COL1A2: variants seen among roughly 807,000 people sequenced by gnomAD.
COL1A2 encodes the protein collagen alpha-2(I) chain.
A neutral mutation model predicts 174.3 loss-of-function variants in COL1A2; 49 were observed. That is an observed-to-expected ratio of 0.28 (90% confidence interval 0.22 to 0.36). COL1A2 has a LOEUF of 0.36. COL1A2 is among the 10% of genes least tolerant of loss of function. COL1A2 has a pLI of 1.00. For synonymous variants in COL1A2, 655 were observed against 606.6 expected, an observed-to-expected ratio of 1.08 and a Z score of -1.17; for missense variants, 1,438 against 1,822.7, an observed-to-expected ratio of 0.79 and a Z score of 3.84.
intron 10 of COL1A2, 145 bp downstream of exon 10, chr7:94,405,397 G>T (rs1791775385): frequency 4.8e-6 from 4 of 840,224 alleles, no homozygotes; most frequent in Non-Finnish European, 7.6e-6. Context: ...AAAAAGCCTA[G>T]TTAAAAAAAA....
chr7:94,400,378 T>A, intron 5 of COL1A2, 90 bp downstream of exon 5: 1 of 1,114,136 alleles, frequency 9.0e-7, no homozygotes, highest in East Asian at 2.4e-5. Context: ...TAAGGGATAA[T>A]TCTTCCATTT....
chr7:94,422,833 A>C, intron 39 of COL1A2, 124 bp from the exon 40 acceptor site: 1 of 1,163,446 alleles, frequency 8.6e-7, no homozygotes, highest in Non-Finnish European at 1.3e-6. Context: ...ATTTCCCCCA[A>C]ATGGCCAGGG....
intron 49 of COL1A2, 37 bp from the exon 50 acceptor site, chr7:94,428,256 G>T: frequency 6.7e-7 from 1 of 1,499,220 alleles, no homozygotes; most frequent in South Asian, 1.1e-5. Context: ...TCTGCTCAAT[G>T]AGAAGTTTCA....
chr7:94,404,078 C>T (rs1199260718), intron 6 of COL1A2, among the ~76,000 whole-genome samples: 1 of 152,184 alleles, frequency 6.6e-6, no homozygotes, highest in African/African-American at 2.4e-5. Flanking sequence ...TAACAAACTT[C>T]TCTCTAATCA....
intron 6 of COL1A2, 119 bp downstream of exon 6, chr7:94,401,739 T>C (rs934888880): frequency 1.7e-6 from 1 of 574,910 alleles, no homozygotes; most frequent in Non-Finnish European, 3.1e-6. Context: ...TTAGATTATA[T>C]AAAAACAACT....
rs758475713 is a variant in COL1A2 at position 94,417,755 on chromosome 7, C to G, written c.1895C>G (p.Thr632Ser). The G allele has an allele frequency of 1.9e-6, 3 of 1,601,570 alleles. No individual in the cohort carries two copies. The highest frequency in any genetic ancestry group is 2.6e-6 in the Non-Finnish European group (3 of 1,174,102). ...CCTGGTGTGGTTGGTGCTGTGGGCA[C>G]TGCTGGTCCATCTGGTCCTAGTGGA... ...GEPGVVGAVGTAGPSGPSGLP... is the reference protein window; with the variant it reads ...GEPGVVGAVGSAGPSGPSGLP... The change falls in exon 32 of 52, where the codon ACT becomes AGT. Residue 632 changes from threonine (T) to serine (S), a missense_variant. Thr to Ser is a moderately conservative substitution (Grantham distance 58, BLOSUM62 1). Coordinates refer to ENST00000297268, the MANE Select transcript of COL1A2 (RefSeq NM_000089.4).
Position 94,427,200 on chromosome 7 carries a change from C to T in COL1A2, c.3172C>T (p.Pro1058Ser). The T allele has an allele frequency of 6.2e-7, 1 of 1,614,022 alleles. No homozygotes were observed. Among genetic ancestry groups the T allele is most frequent in the South Asian group, 1.1e-5 (1 of 91,036 alleles). ...GPAGPRGPAG[P>S]SGPAGKDGRT... ...CTGTCTTCCTTAGGGCCCTGCTGGT[C>T]CTTCTGGCCCTGCTGGAAAAGATGG... Residue 1058 changes from proline to serine, a missense_variant, in exon 48 of 52, where the codon CCT (proline) becomes TCT (serine). This residue lies in a region of COL1A2 where 867 missense variants were observed against 1,213.7 expected (regional missense o/e 0.71). Transcript: ENST00000297268.
intron 40 of COL1A2, 193 bp from the exon 41 acceptor site, chr7:94,424,143 T>C (rs991385847): frequency 1.6e-5 from 9 of 573,416 alleles, no homozygotes; most frequent in African/African-American, 3.7e-5. Flanking sequence ...ATGAATCAGA[T>C]ACAAAAGTAT....
intron 48 of COL1A2, 21 bp from the exon 49 acceptor site, chr7:94,427,606 A>G (rs1479725078): frequency 1.9e-6 from 3 of 1,613,686 alleles, no homozygotes; most frequent in Non-Finnish European, 2.5e-6. Flanking sequence ...AGCCTCTCCT[A>G]TCTCACTTTC....
At chr7:94,405,373 G>C (rs993110420) in intron 10 of COL1A2, 121 bp downstream of exon 10, 19 of 964,844 alleles carry the variant, frequency 2.0e-5, no homozygotes, top group Non-Finnish European at 2.7e-5. Context: ...TGAATCGAAG[G>C]CATCTAATAA....
Position 94,414,179 on chromosome 7 carries a change from A to C in COL1A2, c.1666-43A>C, listed in dbSNP as rs1281371430. 3 of 1,600,834 alleles carry C rather than the reference A, an allele frequency of 1.9e-6. No individual in the cohort carries two copies. In the African/African-American group the frequency reaches 4.0e-5, roughly 21 times the overall value. On this transcript the variant is annotated intron_variant, in intron 28 of 51. Transcript: ENST00000297268. Reference sequence around the variant, plus strand: ...ACTCAATTATTAGCAAATCTCCTGAACGTAGCCATGGGATTGAGATTTGTA... The same window carrying C: ...ACTCAATTATTAGCAAATCTCCTGACCGTAGCCATGGGATTGAGATTTGTA...
rs151000015 is a variant in COL1A2, at chr7:94,395,905, T to C, written c.70+804T>C. Among the ~76,000 whole-genome samples, 805 of 152,300 alleles carry C rather than the reference T, an allele frequency of 5.3e-3. 9 individuals carry two copies. Among genetic ancestry groups the C allele is most frequent in the Non-Finnish European group, 4.7e-3 (319 of 68,030 alleles). ...CTAAATTTTGTTTGAGCCTGAGAAT[T>C]ACCCCTTTGACATGTTCCCAGTGAT... On this transcript the variant is annotated intron_variant, in intron 1 of 51. Transcript: ENST00000297268.
intron 6 of COL1A2, among the ~76,000 whole-genome samples, chr7:94,401,832 T>C (rs1791696370): frequency 6.6e-6 from 1 of 152,146 alleles, no homozygotes; most frequent in Non-Finnish European, 1.5e-5. Context: ...TCTTTTATGA[T>C]TATATGATCT....
In COL1A2 at chr7:94,419,630, T is replaced by G. The variant is rs1405829058; in HGVS notation, c.2079+79T>G. On this transcript the variant is annotated intron_variant, in intron 34 of 51. Transcript: ENST00000297268. ...CCTAGTCCCAAAGAGCCCCAGCAAT[T>G]CATTTTTATGGCTTGGTATAAAGCC... 9 of 1,489,196 alleles carry G rather than the reference T, an allele frequency of 6.0e-6. No individual in the cohort carries two copies. In the Admixed American group the frequency reaches 1.5e-4, roughly 25 times the overall value. The allele number at this position is 1,489,196 out of a possible 1,614,324, so 92.2% of individuals were successfully genotyped here.
At chr7:94,403,551 G>A (rs1279863026) in intron 6 of COL1A2, among the ~76,000 whole-genome samples, 1 of 152,160 alleles carries the variant, frequency 6.6e-6, no homozygotes, top group Non-Finnish European at 1.5e-5. Context: ...AAAAGCTATT[G>A]TGATGGAAAA....
chr7:94,420,361 A>G, intron 35 of COL1A2, 30 bp from the exon 36 acceptor site: 1 of 1,614,156 alleles, frequency 6.2e-7, no homozygotes, highest in Non-Finnish European at 8.5e-7. Context: ...AGGATTGATA[A>G]CACATTTTTA....
Position 94,406,303 on chromosome 7 carries a change from G to A in COL1A2, c.594G>A (p.Lys198=), listed in dbSNP as rs548276247. 1 of 1,613,792 alleles carries A rather than the reference G, an allele frequency of 6.2e-7. No homozygotes were observed. The highest frequency in any genetic ancestry group is 1.3e-5 in the African/African-American group (1 of 75,016). The change falls in exon 12 of 52, where the codon AAG becomes AAA. Residue 198 remains lysine, a splice_region_variant and synonymous_variant. Coordinates refer to ENST00000297268, the MANE Select transcript of COL1A2 (RefSeq NM_000089.4). ...GACAGCCCGGTGCTCCTGGTGTGAA[G>A]GTAAATATTAAATTAGAAGCACTGT... ...LKGQPGAPGV[K]GEPGAPGENG...
chr7:94,413,457 A>G (rs1051469307), intron 26 of COL1A2, among the ~76,000 whole-genome samples: 2 of 152,228 alleles, frequency 1.3e-5, no homozygotes, highest in African/African-American at 4.8e-5. Flanking sequence ...CGCTTGAGTC[A>G]TATCAAAAGT....
chr7:94,408,206 G>C lies in COL1A2; in HGVS notation c.663G>C (p.Glu221Asp), dbSNP rs1188173559. The C allele has an allele frequency of 6.2e-7, 1 of 1,614,044 alleles. No homozygotes were observed. The highest frequency in any genetic ancestry group is 1.3e-5 in the African/African-American group (1 of 74,908). Residue 221 changes from glutamate (E) to aspartate (D), a missense_variant, in exon 14 of 52, where the codon GAG (glutamate) becomes GAC (aspartate). Glu to Asp is a conservative substitution (Grantham distance 45). Around this residue, in one of 3 missense-constraint regions of COL1A2, gnomAD observed 281 missense variants for 310.9 expected, o/e 0.90. Transcript: ENST00000297268. ...GQTGARGLPG[E>D]RGRVGAPGPA... ...AGGGAGCCCGTGGGCTTCCTGGTGA[G>C]AGAGGACGTGTTGGTGCCCCTGGCC...
Sources: allele counts gnomAD v4.1 joint callset (sites outside exome capture counted in the v4.1 genomes callset), GRCh38; gene constraint gnomAD v4.1.1; regional missense constraint gnomAD v4.1.1; transcripts MANE v1.5; gene names NCBI Gene and HGNC (gene_info 2026-07-23, HGNC 2026-07-21).